The following CDC42SE2 variants were observed in gnomAD, a reference collection of about 807,000 sequenced individuals.
CDC42SE2 encodes the protein CDC42 small effector protein 2.
CDC42SE2 carries 3 observed loss-of-function variants against 11.5 expected under a neutral mutation model. The observed-to-expected ratio is 0.26, with a 90% confidence interval of 0.12 to 0.67. The LOEUF (loss-of-function observed/expected upper bound fraction) is 0.67. Ranked by LOEUF, CDC42SE2 falls within the 30% of genes least tolerant of loss-of-function variation. CDC42SE2 has a pLI of 0.80. For synonymous variants in CDC42SE2, 33 were observed against 34.8 expected (o/e 0.95, Z 0.18); for missense variants, 82 against 106.8 (o/e 0.77, Z 1.02).
chr5:131,330,385 T>A (rs1758395733), intron 2 of CDC42SE2, among the ~76,000 whole-genome samples: 1 of 152,156 alleles, frequency 6.6e-6, no homozygotes, highest in African/African-American at 2.4e-5. Context: ...TTATTAGAGT[T>A]TTTTTTTCTG....
chr5:131,230,588 C>T, the CDC42SE2 span, among the ~76,000 whole-genome samples: 2 of 152,152 alleles, frequency 1.3e-5, no homozygotes, highest in Non-Finnish European at 2.9e-5. Context: ...TTTTAAATCC[C>T]CACCATTGTC....
intron 4 of CDC42SE2, among the ~76,000 whole-genome samples, chr5:131,387,498 G>A (rs1750523689): frequency 6.6e-6 from 1 of 152,154 alleles, no homozygotes; most frequent in Non-Finnish European, 1.5e-5. Context: ...GTTGCAGTGA[G>A]CTGAGATCAT....
At chr5:131,375,925 C>A (rs1451402754) in intron 3 of CDC42SE2, among the ~76,000 whole-genome samples, 1 of 152,006 alleles carries the variant, frequency 6.6e-6, no homozygotes, top group Non-Finnish European at 1.5e-5. Context: ...CATGAATATC[C>A]AGGACCTGGA....
At chr5:131,340,369 C>A (rs1336795447) in intron 2 of CDC42SE2, among the ~76,000 whole-genome samples, 1 of 152,092 alleles carries the variant, frequency 6.6e-6, no homozygotes, top group Non-Finnish European at 1.5e-5. Flanking sequence ...CTATATGCTA[C>A]CCGTCGGTTA....
upstream of CDC42SE2, among the ~76,000 whole-genome samples, chr5:131,259,925 T>C (rs1377871052): frequency 2.6e-5 from 4 of 152,270 alleles, no homozygotes; most frequent in Admixed American, 2.6e-4. Flanking sequence ...AAAATGTTCA[T>C]TTATTTAAAC....
chr5:131,279,794 G>A (rs1757200668), intron 1 of CDC42SE2, among the ~76,000 whole-genome samples: 1 of 152,074 alleles, frequency 6.6e-6, no homozygotes, highest in South Asian at 2.1e-4. Context: ...CTGAGACTGG[G>A]CACAGTGGTT....
At chr5:131,212,170 C>T in the CDC42SE2 span, among the ~76,000 whole-genome samples, 5 of 151,684 alleles carry the variant, frequency 3.3e-5, no homozygotes, top group East Asian at 1.9e-4. Flanking sequence ...TGCAGTGGCG[C>T]GATCTTGGCT....
the CDC42SE2 span, among the ~76,000 whole-genome samples, chr5:131,221,045 C>A: frequency 6.6e-6 from 1 of 151,986 alleles, no homozygotes. Flanking sequence ...CCACCACACT[C>A]GGCTAATATT....
the CDC42SE2 span, among the ~76,000 whole-genome samples, chr5:131,227,064 C>T: frequency 6.6e-6 from 1 of 152,078 alleles, no homozygotes; most frequent in East Asian, 1.9e-4. Context: ...CTGGCCAGTC[C>T]AGAGGGAACA....
chr5:131,252,742 C>T (rs1326043457), intron 1 of CDC42SE2, among the ~76,000 whole-genome samples: 2 of 152,216 alleles, frequency 1.3e-5, no homozygotes, highest in African/African-American at 4.8e-5. Flanking sequence ...ATGCACCCTT[C>T]CTCTAGCCCT....
chr5:131,292,535 G>A (rs1179176018), intron 1 of CDC42SE2, among the ~76,000 whole-genome samples: 8 of 142,966 alleles, frequency 5.6e-5, no homozygotes, highest in Non-Finnish European at 1.1e-4. Context: ...ACTCCAGCCC[G>A]GGTGACAGAG....
chr5:131,237,342 C>G, the CDC42SE2 span, among the ~76,000 whole-genome samples: 1 of 152,172 alleles, frequency 6.6e-6, no homozygotes, highest in East Asian at 1.9e-4. Flanking sequence ...TTTCCCCCTT[C>G]GGCACCTTGA....
intron 1 of CDC42SE2, among the ~76,000 whole-genome samples, chr5:131,292,485 T>C (rs1757477421): frequency 6.7e-6 from 1 of 148,604 alleles, no homozygotes; most frequent in Admixed American, 6.7e-5. Flanking sequence ...GGAGAATTGC[T>C]TCAACCCAGG....
intron 2 of CDC42SE2, among the ~76,000 whole-genome samples, chr5:131,319,944 G>A (rs1419896704): frequency 2.6e-5 from 4 of 151,140 alleles, no homozygotes; most frequent in East Asian, 1.9e-4. Context: ...CCAGCTACTC[G>A]GGAGGCCAAG....
chr5:131,336,438 A>G (rs1442468187), intron 2 of CDC42SE2, among the ~76,000 whole-genome samples: 1 of 152,058 alleles, frequency 6.6e-6, no homozygotes, highest in East Asian at 1.9e-4. Context: ...TGAATCTGAC[A>G]ATTACGTGTC....
rs527816328 is a variant in CDC42SE2 at position 131,294,058 on chromosome 5, A to G, written c.-454-21918A>G. ...TGAAAATGTACAGCTGGTAGAAGAA[A>G]TTGTGTGTTAATGATATTGTCAATG... On this transcript the variant is annotated intron_variant, in intron 1 of 4. Coordinates refer to ENST00000505065, the MANE Select transcript of CDC42SE2 (RefSeq NM_001375635.1). 4.5e-4 allele frequency among the ~76,000 whole-genome samples: 69 copies of G among 152,310 alleles called. 1 individual carries two copies. In the South Asian group the frequency reaches 0.014, roughly 31 times the overall value.
chr5:131,234,759 C>A, the CDC42SE2 span, among the ~76,000 whole-genome samples: 1 of 151,988 alleles, frequency 6.6e-6, no homozygotes, highest in Non-Finnish European at 1.5e-5. Context: ...GCTAAAGAAC[C>A]AGAAAAGCTG....
chr5:131,358,947 CATTA>C (rs2149769895), intron 2 of CDC42SE2, among the ~76,000 whole-genome samples: 1 of 152,284 alleles, frequency 6.6e-6, no homozygotes, highest in South Asian at 2.1e-4. Context: ...AAAATTAACT[CATTA>C]AAATAATCCA....
At chr5:131,342,588 C>T (rs1438814799) in intron 2 of CDC42SE2, among the ~76,000 whole-genome samples, 2 of 151,692 alleles carry the variant, frequency 1.3e-5, no homozygotes, top group African/African-American at 4.8e-5. Context: ...TGGGATTTCA[C>T]CATATTGGCC....
Sources: allele counts gnomAD v4.1 joint callset (sites outside exome capture counted in the v4.1 genomes callset), GRCh38; gene constraint gnomAD v4.1.1; transcripts MANE v1.5; gene names NCBI Gene and HGNC (gene_info 2026-07-23, HGNC 2026-07-21).